Variants in ASPA observed in about 807,000 individuals in gnomAD.
The protein encoded by ASPA is ACY-2.
ASPA carries 25 observed loss-of-function variants against 29.6 expected under a neutral mutation model. That is an observed-to-expected ratio of 0.85 (90% CI 0.62 to 1.18). ASPA has a LOEUF of 1.18. Among genes scored for constraint, ASPA ranks in the 50% most tolerant of loss-of-function variants. The probability of loss-of-function intolerance (pLI) is 0.00; values close to 1 mark genes in which losing one functional copy is unlikely to be tolerated. For missense variants in ASPA, 333 were observed against 385.7 expected, an observed-to-expected ratio of 0.86 and a Z score of 1.14; for synonymous variants, 131 against 130.3, an observed-to-expected ratio of 1.01 and a Z score of -0.04.
chr17:3,474,956 G>A (rs190755472), upstream of ASPA, among the ~76,000 whole-genome samples: 6 of 152,212 alleles, frequency 3.9e-5, no homozygotes, highest in East Asian at 1.9e-4. Flanking sequence ...CCTCTCTTTC[G>A]TTTACCCCTG....
At chr17:3,489,709 G>A (rs187587705) in intron 4 of ASPA, among the ~76,000 whole-genome samples, 61 of 152,286 alleles carry the variant, frequency 4.0e-4, no homozygotes, top group East Asian at 2.7e-3. Context: ...AATATCAAGC[G>A]TTGGTAAATG....
chr17:3,491,877 CTTTTT>C (rs540965896), intron 4 of ASPA, among the ~76,000 whole-genome samples: 7 of 123,064 alleles, frequency 5.7e-5, no homozygotes, highest in Non-Finnish European at 8.1e-5. Flanking sequence ...CTTTTGTTTT[CTTTTT>C]TTTTTTTTTT....
rs898690999 is a variant in ASPA, at chr17:3,494,223, C to A, written c.635-127C>A. 8.6e-6 allele frequency: 6 copies of A among 699,946 alleles called. No homozygotes were observed. The African/African-American group carries it at 8.8e-5, about 10-fold the overall frequency. The allele number at this position is 699,946 out of a possible 1,614,324, so 43.4% of individuals were successfully genotyped here. A position where few individuals can be genotyped will look rare whatever the true frequency, so the allele number is the denominator to read the frequency against. On this transcript the variant is annotated intron_variant, in intron 4 of 5. Transcript: ENST00000263080. ...TTCACCATGTTGGCCAGGCTGTTCT[C>A]GAACTCCTGACCTCAGGTGATCCAC...
chr17:3,480,227 CCAGA>C (rs2073603435), intron 1 of ASPA, among the ~76,000 whole-genome samples: 1 of 152,166 alleles, frequency 6.6e-6, no homozygotes, highest in African/African-American at 2.4e-5. Flanking sequence ...CATCCGCTGC[CCAGA>C]CAGAGCTGAT....
At chr17:3,483,388 C>T (rs2073667329) in intron 2 of ASPA, 111 bp from the exon 3 acceptor site, 2 of 893,832 alleles carry the variant, frequency 2.2e-6, no homozygotes, top group Non-Finnish European at 3.7e-6. Context: ...GCTGTCTTAC[C>T]AATCTTAGTT....
intron 4 of ASPA, 92 bp from the exon 5 acceptor site, chr17:3,494,258 C>A: frequency 1.1e-6 from 1 of 942,436 alleles, no homozygotes; most frequent in Non-Finnish European, 1.7e-6. Flanking sequence ...CCCAACTCGG[C>A]CTCCCAAAGT....
At chr17:3,494,203 C>T in intron 4 of ASPA, 147 bp from the exon 5 acceptor site, 1 of 645,230 alleles carries the variant, frequency 1.5e-6, no homozygotes, top group Non-Finnish European at 2.9e-6. Flanking sequence ...TGGGGTTCAC[C>T]ATGTTGGCCA....
At chr17:3,479,293 G>A (rs902811925) in intron 1 of ASPA, among the ~76,000 whole-genome samples, 3 of 152,032 alleles carry the variant, frequency 2.0e-5, no homozygotes, top group Admixed American at 6.6e-5. Flanking sequence ...TGAGCAACTG[G>A]GTAGATACTA....
intron 1 of ASPA, among the ~76,000 whole-genome samples, chr17:3,478,487 T>A (rs894439712): frequency 6.6e-6 from 1 of 152,212 alleles, no homozygotes; most frequent in Admixed American, 6.5e-5. Context: ...AATTCATGCT[T>A]ATCTATTGAC....
intron 4 of ASPA, 116 bp from the exon 5 acceptor site, chr17:3,494,234 C>T: frequency 1.3e-6 from 1 of 742,014 alleles, no homozygotes; most frequent in South Asian, 1.4e-5. Context: ...GAACTCCTGA[C>T]CTCAGGTGAT....
chr17:3,479,996 A>G (rs2150745221), intron 1 of ASPA, among the ~76,000 whole-genome samples: 1 of 152,160 alleles, frequency 6.6e-6, no homozygotes, highest in East Asian at 1.9e-4. Context: ...TGTGCCAGAA[A>G]AAAAATACAT....
intron 3 of ASPA, among the ~76,000 whole-genome samples, chr17:3,483,818 C>G (rs560692881): frequency 7.2e-5 from 11 of 151,960 alleles, no homozygotes; most frequent in African/African-American, 2.7e-4. Flanking sequence ...ATGTGCCACC[C>G]TGTAATTTTT....
intron 5 of ASPA, among the ~76,000 whole-genome samples, chr17:3,497,305 A>AGCCT (rs1186124115): frequency 1.3e-5 from 2 of 152,192 alleles, no homozygotes; most frequent in African/African-American, 4.8e-5. Context: ...TCAGAGAAAT[A>AGCCT]GTTCTCAGCC....
At chr17:3,491,220 A>T (rs2073818767) in intron 4 of ASPA, among the ~76,000 whole-genome samples, 1 of 152,230 alleles carries the variant, frequency 6.6e-6, no homozygotes, top group Admixed American at 6.5e-5. Context: ...AATCTTTAAC[A>T]ATTGTTTAAA....
At chr17:3,479,702 T>C (rs2073594471) in intron 1 of ASPA, among the ~76,000 whole-genome samples, 1 of 152,182 alleles carries the variant, frequency 6.6e-6, no homozygotes, top group Non-Finnish European at 1.5e-5. Context: ...GGCTTTGTCC[T>C]CATGGTTTTT....
At chr17:3,493,728 C>A (rs2073864105) in intron 4 of ASPA, among the ~76,000 whole-genome samples, 1 of 152,100 alleles carries the variant, frequency 6.6e-6, no homozygotes, top group African/African-American at 2.4e-5. Context: ...GAAAGCGAGC[C>A]TCAAGAAGTT....
chr17:3,489,835 T>C (rs1208680196), intron 4 of ASPA, among the ~76,000 whole-genome samples: 1 of 152,132 alleles, frequency 6.6e-6, no homozygotes, highest in Non-Finnish European at 1.5e-5. Flanking sequence ...AACACACCAA[T>C]CTTATTACCC....
At chr17:3,489,485 G>A (rs2073785778) in intron 4 of ASPA, 143 bp downstream of exon 4, 3 of 630,184 alleles carry the variant, frequency 4.8e-6, no homozygotes, top group Non-Finnish European at 8.4e-6. Context: ...CCAATGGCCA[G>A]GATAGACACA....
In ASPA at chr17:3,493,081, A is replaced by G. The variant is rs1263026512; in HGVS notation, c.635-1269A>G. Among the ~76,000 whole-genome samples the G allele has an allele frequency of 3.9e-5, 6 of 152,202 alleles. No individual in the cohort carries two copies. The East Asian group carries it at 1.2e-3, about 29-fold the overall frequency. The stretch of plus-strand genomic sequence containing the variant: ...GACCATAACACGCTGTGGGCCCTAC[A>G]TTGGACCAAACGTTCATCCTGTTTG... On this transcript the variant is annotated intron_variant, in intron 4 of 5. Coordinates refer to ENST00000263080, the MANE Select transcript of ASPA (RefSeq NM_000049.4).
Sources: allele counts gnomAD v4.1 joint callset (sites outside exome capture counted in the v4.1 genomes callset), GRCh38; gene constraint gnomAD v4.1.1; transcripts MANE v1.5; gene names NCBI Gene and HGNC (gene_info 2026-07-23, HGNC 2026-07-21).